The following KLHL29 variants were observed in gnomAD, a reference collection of about 807,000 sequenced individuals.
KLHL29 encodes kelch like family member 29.
KLHL29 carries 21 observed loss-of-function variants against 80.4 expected under a neutral mutation model. The observed-to-expected ratio is 0.26, with a 90% CI of 0.19 to 0.38. KLHL29 has a LOEUF of 0.38. Among genes scored for constraint, KLHL29 ranks in the 10% least tolerant of loss-of-function variants. The pLI is 1.00. For missense variants in KLHL29, 867 were observed against 1,223.9 expected (o/e 0.71, Z 4.35); for synonymous variants, 511 against 526.8 (o/e 0.97, Z 0.41).
intron 4 of KLHL29, among the ~76,000 whole-genome samples, chr2:23,641,220 C>T (rs531608277): frequency 2.6e-5 from 4 of 152,332 alleles, no homozygotes; most frequent in South Asian, 2.1e-4. Context: ...CAGCTGACCT[C>T]GCCTCTTGTG....
Position 23,706,775 on chromosome 2 carries a change from A to G in KLHL29, c.*111A>G. 1.5e-6 allele frequency: 1 copy of G among 685,906 alleles called. No individual in the cohort carries two copies. Among genetic ancestry groups the G allele is most frequent in the Non-Finnish European group, 2.3e-6 (1 of 429,166 alleles). The allele number at this position is 685,906 out of a possible 1,614,324, so 42.5% of individuals were successfully genotyped here. A position where few individuals can be genotyped will look rare whatever the true frequency, so the allele number is the denominator to read the frequency against. ...AGAGGCCAACAAAACACAATCAAGG[A>G]ACTCACTGCGCTCAACATGTTGAAT... On this transcript the variant is annotated 3_prime_UTR_variant, in exon 14 of 14. Coordinates refer to ENST00000486442, the MANE Select transcript of KLHL29 (RefSeq NM_052920.2).
chr2:23,613,393 AAGC>A (rs1444412423), intron 3 of KLHL29, among the ~76,000 whole-genome samples: 4 of 152,326 alleles, frequency 2.6e-5, no homozygotes, highest in Non-Finnish European at 2.9e-5. Context: ...CTATGCATAA[AAGC>A]AGGTGTAGCT....
chr2:23,527,232 A>AAGAG (rs771428453), intron 2 of KLHL29, among the ~76,000 whole-genome samples: 2 of 152,228 alleles, frequency 1.3e-5, no homozygotes, highest in South Asian at 2.1e-4. Context: ...CTGCCCAGCT[A>AAGAG]CACTGGACCT....
intron 3 of KLHL29, among the ~76,000 whole-genome samples, chr2:23,625,699 GTGGATCTTA>G (rs1262292060): frequency 6.6e-6 from 1 of 152,206 alleles, no homozygotes; most frequent in African/African-American, 2.4e-5. Context: ...TGCAGGCTGC[GTGGATCTTA>G]TGGACTGAAT....
chr2:23,453,099 A>G (rs999818302), intron 1 of KLHL29, among the ~76,000 whole-genome samples: 1 of 149,282 alleles, frequency 6.7e-6, no homozygotes, highest in African/African-American at 2.5e-5. Context: ...ATAGGAGTGT[A>G]TGTTTCATTA....
chr2:23,657,796 A>C (rs961936224), intron 5 of KLHL29, among the ~76,000 whole-genome samples: 5 of 152,200 alleles, frequency 3.3e-5, no homozygotes, highest in Admixed American at 3.3e-4. Context: ...GCCTCGCCTA[A>C]GAAGGCTGGT....
chr2:23,448,837 C>T (rs757642861), intron 1 of KLHL29, among the ~76,000 whole-genome samples: 1 of 152,158 alleles, frequency 6.6e-6, no homozygotes, highest in South Asian at 2.1e-4. Flanking sequence ...GTATGGCCTC[C>T]ACCTCATTTC....
chr2:23,615,601 T>G (rs1393151119), intron 3 of KLHL29, among the ~76,000 whole-genome samples: 2 of 152,126 alleles, frequency 1.3e-5, no homozygotes, highest in Admixed American at 1.3e-4. Flanking sequence ...GCACTGGTGC[T>G]CTGGGCGGAG....
intron 11 of KLHL29, among the ~76,000 whole-genome samples, chr2:23,699,071 A>T (rs1672189249): frequency 6.6e-6 from 1 of 152,236 alleles, no homozygotes; most frequent in African/African-American, 2.4e-5. Flanking sequence ...TCTGGGGCTT[A>T]ATTGAATCTG....
At chr2:23,627,613 G>A (rs952103258) in intron 3 of KLHL29, among the ~76,000 whole-genome samples, 2 of 152,160 alleles carry the variant, frequency 1.3e-5, no homozygotes, top group African/African-American at 4.8e-5. Context: ...CGCCTCCGAG[G>A]CCGTGTGTGC....
chr2:23,687,283 C>T (rs1305246662), intron 6 of KLHL29, among the ~76,000 whole-genome samples: 1 of 152,154 alleles, frequency 6.6e-6, no homozygotes, highest in Admixed American at 6.5e-5. Context: ...TGATCCCTCC[C>T]TGCTGTCCCC....
intron 1 of KLHL29, among the ~76,000 whole-genome samples, chr2:23,434,595 A>G (rs1188356128): frequency 1.3e-5 from 2 of 152,220 alleles, no homozygotes; most frequent in African/African-American, 2.4e-5. Flanking sequence ...AAGAAGAGAC[A>G]TTGAGAGTCC....
At chr2:23,701,655 G>C (rs922631485) in intron 11 of KLHL29, among the ~76,000 whole-genome samples, 1 of 109,544 alleles carries the variant, frequency 9.1e-6, no homozygotes, top group African/African-American at 3.0e-5. Context: ...CAAGGCTGCA[G>C]TGAGCCATAA....
At chr2:23,430,540 C>T (rs1663142554) in intron 1 of KLHL29, among the ~76,000 whole-genome samples, 1 of 152,234 alleles carries the variant, frequency 6.6e-6, no homozygotes, top group Non-Finnish European at 1.5e-5. Flanking sequence ...GAGAAGGACT[C>T]TCTGGGCCCT....
chr2:23,518,237 G>C (rs1022452203), intron 2 of KLHL29, among the ~76,000 whole-genome samples: 3 of 152,218 alleles, frequency 2.0e-5, no homozygotes, highest in Admixed American at 1.3e-4. Flanking sequence ...ACATGACCCT[G>C]ACGCTGTAAA....
chr2:23,581,978 G>A (rs532645765), intron 3 of KLHL29, among the ~76,000 whole-genome samples: 1 of 152,214 alleles, frequency 6.6e-6, no homozygotes, highest in South Asian at 2.1e-4. Flanking sequence ...TACCTTGAGG[G>A]TAGTTTGTCC....
At chr2:23,580,549 C>T (rs986683579) in intron 3 of KLHL29, among the ~76,000 whole-genome samples, 2 of 59,708 alleles carry the variant, frequency 3.3e-5, no homozygotes, top group African/African-American at 8.5e-5. Context: ...GTGGCAGGCG[C>T]CTGTAGTCCT....
At chr2:23,451,142 A>G (rs1663867417) in intron 1 of KLHL29, among the ~76,000 whole-genome samples, 1 of 152,218 alleles carries the variant, frequency 6.6e-6, no homozygotes, top group African/African-American at 2.4e-5. Flanking sequence ...TCCTGGCTCC[A>G]CATCCTACTC....
At chr2:23,391,535 A>G (rs1302492018) in intron 1 of KLHL29, among the ~76,000 whole-genome samples, 2 of 152,122 alleles carry the variant, frequency 1.3e-5, no homozygotes, top group Non-Finnish European at 1.5e-5. Context: ...TCAAGGGTTC[A>G]AGCAATTATC....
Sources: allele counts gnomAD v4.1 joint callset (sites outside exome capture counted in the v4.1 genomes callset), GRCh38; gene constraint gnomAD v4.1.1; transcripts MANE v1.5; gene names NCBI Gene and HGNC (gene_info 2026-07-23, HGNC 2026-07-21).